KCNIP4: variants seen among roughly 807,000 people sequenced by gnomAD.
The protein encoded by KCNIP4 is potassium voltage-gated channel interacting protein 4.
A neutral mutation model predicts 34.0 loss-of-function variants in KCNIP4; 12 were observed. The observed-to-expected ratio is 0.35, with a 90% CI of 0.23 to 0.57. The LOEUF (loss-of-function observed/expected upper bound fraction) is 0.57, where lower values mean the gene tolerates loss of function less well. KCNIP4 is among the 20% of genes least tolerant of loss of function. KCNIP4 has a pLI of 0.83. For synonymous variants in KCNIP4, 124 were observed against 102.2 expected, an observed-to-expected ratio of 1.21 and a Z score of -1.29; for missense variants, 238 against 311.7, an observed-to-expected ratio of 0.76 and a Z score of 1.78.
chr4:21,634,222 T>G (rs908045383), intron 1 of KCNIP4, among the ~76,000 whole-genome samples: 4 of 40,594 alleles, frequency 9.9e-5, no homozygotes, highest in African/African-American at 4.2e-4. Context: ...GGTTCTTTCC[T>G]CAAAAAAAAA....
chr4:21,024,520 A>T (rs1038082431), intron 1 of KCNIP4, among the ~76,000 whole-genome samples: 6 of 152,232 alleles, frequency 3.9e-5, no homozygotes, highest in Non-Finnish European at 5.9e-5. Flanking sequence ...AGTCTTCCAG[A>T]TATTAGAGTT....
intron 1 of KCNIP4, among the ~76,000 whole-genome samples, chr4:21,610,161 G>A (rs1744034512): frequency 6.6e-6 from 1 of 152,208 alleles, no homozygotes; most frequent in African/African-American, 2.4e-5. Flanking sequence ...GCTTGCTATG[G>A]CTACTGTAAC....
chr4:21,428,220 G>A (rs1726102459), intron 1 of KCNIP4, among the ~76,000 whole-genome samples: 1 of 152,078 alleles, frequency 6.6e-6, no homozygotes, highest in South Asian at 2.1e-4. Context: ...ATTTTCTCAT[G>A]CTGTTCCTTC....
At chr4:21,032,001 A>G (rs1414215208) in intron 1 of KCNIP4, among the ~76,000 whole-genome samples, 1 of 152,170 alleles carries the variant, frequency 6.6e-6, no homozygotes. Context: ...ATTTATGTCA[A>G]CAAGCAGCAA....
intron 1 of KCNIP4, among the ~76,000 whole-genome samples, chr4:21,833,786 T>A (rs1390520729): frequency 1.3e-5 from 2 of 152,108 alleles, no homozygotes; most frequent in Non-Finnish European, 2.9e-5. Flanking sequence ...TAAGGAAGGG[T>A]TCCAGTTTCA....
chr4:21,050,014 C>T (rs1421603887), intron 1 of KCNIP4, among the ~76,000 whole-genome samples: 2 of 152,164 alleles, frequency 1.3e-5, no homozygotes, highest in African/African-American at 2.4e-5. Context: ...CTATAATATA[C>T]TCATTGGTTT....
intron 1 of KCNIP4, among the ~76,000 whole-genome samples, chr4:21,232,164 C>G (rs557244824): frequency 6.6e-6 from 1 of 152,060 alleles, no homozygotes; most frequent in Non-Finnish European, 1.5e-5. Context: ...GTTCATTTCC[C>G]TGGTAAGCAC....
chr4:21,869,783 T>TAGATAGATAGATAGACAGAC (rs1553940907), intron 1 of KCNIP4, among the ~76,000 whole-genome samples: 1 of 143,768 alleles, frequency 7.0e-6, no homozygotes. Context: ...GATAGATAGA[T>TAGATAGATAGATAGACAGAC]AGACAGACAG....
At position 21,577,321 on chromosome 4, in the gene KCNIP4, C is replaced by G. The variant is rs1365129114; in HGVS notation, c.61+371250G>C. On this transcript the variant is annotated intron_variant, in intron 1 of 8. Coordinates refer to ENST00000382152, the MANE Select transcript of KCNIP4 (RefSeq NM_025221.6). Reference sequence around the variant, plus strand: ...TCTGGCCTTGCACAACTCTTCTGCCCTCTATTACTTTTAGAACTGCAATTC... The same window carrying G: ...TCTGGCCTTGCACAACTCTTCTGCCGTCTATTACTTTTAGAACTGCAATTC... Among the ~76,000 whole-genome samples the G allele has an allele frequency of 2.0e-5, 3 of 152,124 alleles. No individual in the cohort carries two copies. In the East Asian group the frequency reaches 5.8e-4, roughly 29 times the overall value.
intron 3 of KCNIP4, among the ~76,000 whole-genome samples, chr4:20,790,414 G>A (rs1374273619): frequency 6.6e-6 from 1 of 151,738 alleles, no homozygotes; most frequent in African/African-American, 2.4e-5. Flanking sequence ...TTAACTTTAG[G>A]TTACTGTGAC....
In KCNIP4 at chr4:21,777,071, C is replaced by T. The variant is rs146366155; in HGVS notation, c.61+171500G>A. Among the ~76,000 whole-genome samples the T allele has an allele frequency of 2.3e-3, 357 of 152,290 alleles. 1 individual carries two copies. The highest frequency in any genetic ancestry group is 7.4e-3 in the African/African-American group (307 of 41,562). The stretch of plus-strand genomic sequence containing the variant: ...TACAGGCATGAGCTACCGCACCCGG[C>T]CAAGATCTAATGGTTTTATAATGGG... On this transcript the variant is annotated intron_variant, in intron 1 of 8. Coordinates refer to ENST00000382152, the MANE Select transcript of KCNIP4 (RefSeq NM_025221.6).
chr4:20,988,238 T>C (rs1033432506), intron 1 of KCNIP4, among the ~76,000 whole-genome samples: 1 of 152,102 alleles, frequency 6.6e-6, no homozygotes, highest in Non-Finnish European at 1.5e-5. Flanking sequence ...CCATGTTGAA[T>C]GGTTCTTTAA....
chr4:20,953,559 G>A lies in KCNIP4; in HGVS notation c.62-70850C>T, dbSNP rs138059975. 7.9e-5 allele frequency among the ~76,000 whole-genome samples: 12 copies of A among 152,216 alleles called. No homozygotes were observed. The East Asian group carries it at 2.1e-3, about 27-fold the overall frequency. Reference sequence around the variant, plus strand: ...TAGCCTGGCATGATGGTGGACATCTGTGGTCCCGGCTACTTGAGAGGCTGA... The same window carrying A: ...TAGCCTGGCATGATGGTGGACATCTATGGTCCCGGCTACTTGAGAGGCTGA... On this transcript the variant is annotated intron_variant, in intron 1 of 8. Transcript: ENST00000382152.
intron 1 of KCNIP4, among the ~76,000 whole-genome samples, chr4:21,357,686 T>A (rs980604844): frequency 2.0e-5 from 3 of 152,106 alleles, no homozygotes; most frequent in Admixed American, 2.0e-4. Flanking sequence ...CTGGAGAGGA[T>A]GTGGAGAAAT....
At chr4:21,361,541 C>G (rs1180405257) in intron 1 of KCNIP4, among the ~76,000 whole-genome samples, 1 of 151,928 alleles carries the variant, frequency 6.6e-6, no homozygotes, top group East Asian at 1.9e-4. Context: ...TGTTGACTTG[C>G]AAATCCTGCT....
intron 1 of KCNIP4, among the ~76,000 whole-genome samples, chr4:21,314,916 T>G (rs560674947): frequency 5.2e-4 from 79 of 152,258 alleles, no homozygotes; most frequent in Non-Finnish European, 1.1e-3. Flanking sequence ...GTATTTATAG[T>G]TTTATTTTTA....
chr4:21,564,300 C>A (rs1029511832), intron 1 of KCNIP4, among the ~76,000 whole-genome samples: 1 of 152,116 alleles, frequency 6.6e-6, no homozygotes, highest in African/African-American at 2.4e-5. Context: ...TGTCCTTCTT[C>A]CATGGATTTA....
intron 1 of KCNIP4, among the ~76,000 whole-genome samples, chr4:21,409,891 G>C (rs73798817): frequency 0.014 from 2,117 of 152,218 alleles, 61 homozygotes; most frequent in African/African-American, 0.049. Flanking sequence ...CCAGACCAAA[G>C]CGAAGAGGAA....
intron 1 of KCNIP4, among the ~76,000 whole-genome samples, chr4:20,976,773 T>A (rs772771357): frequency 2.0e-5 from 3 of 152,130 alleles, no homozygotes; most frequent in Non-Finnish European, 4.4e-5. Context: ...GGACCCATGG[T>A]TGATCAATAT....
Sources: gnomAD v4.1 joint callset for allele counts (sites outside exome capture counted in the v4.1 genomes callset) on GRCh38, gnomAD v4.1.1 for gene constraint, MANE v1.5 for transcripts, NCBI Gene and HGNC (gene_info 2026-07-23, HGNC 2026-07-21) for gene names.